CHD9: variants seen among roughly 807,000 people sequenced by gnomAD.
The protein encoded by CHD9 is ATP-dependent chromatin remodeler CHD9.
A neutral mutation model predicts 316.1 loss-of-function variants in CHD9; 77 were observed. The observed-to-expected ratio is 0.24, with a 90% CI of 0.20 to 0.29. The LOEUF (loss-of-function observed/expected upper bound fraction) is 0.29, where lower values mean the gene tolerates loss of function less well. Among genes scored for constraint, CHD9 ranks in the 10% least tolerant of loss-of-function variants. The pLI is 1.00. For missense variants in CHD9, 2,763 were observed against 3,438.1 expected, an observed-to-expected ratio of 0.80 and a Z score of 4.91; for synonymous variants, 1,129 against 1,158.3, an observed-to-expected ratio of 0.97 and a Z score of 0.51.
At chr16:53,163,037 C>T (rs1391413705) in intron 2 of CHD9, among the ~76,000 whole-genome samples, 1 of 151,808 alleles carries the variant, frequency 6.6e-6, no homozygotes, top group Non-Finnish European at 1.5e-5. Context: ...TACCAAGGTG[C>T]CTGACAAATT....
intron 24 of CHD9, among the ~76,000 whole-genome samples, chr16:53,276,105 G>A (rs944016801): frequency 2.0e-5 from 3 of 152,036 alleles, no homozygotes; most frequent in African/African-American, 7.2e-5. Flanking sequence ...CCACTTTCAT[G>A]CCCCCTCTTT....
intron 32 of CHD9, 140 bp downstream of exon 32, chr16:53,306,537 T>G: frequency 1.8e-6 from 1 of 558,872 alleles, no homozygotes; most frequent in Non-Finnish European, 3.0e-6. Flanking sequence ...TCCAAAAGTA[T>G]AAATTACTGC....
At chr16:53,266,036 C>T (rs1251002680) in intron 20 of CHD9, among the ~76,000 whole-genome samples, 1 of 147,896 alleles carries the variant, frequency 6.8e-6, no homozygotes, top group Non-Finnish European at 1.5e-5. Context: ...CTCTTTCTTA[C>T]GGAAGAATTC....
chr16:53,288,011 A>G lies in CHD9; in HGVS notation c.5244A>G (p.Ile1748Met). 1.9e-6 allele frequency: 3 copies of G among 1,604,152 alleles called. No homozygotes were observed. Among genetic ancestry groups the G allele is most frequent in the Middle Eastern group, 3.3e-4 (2 of 6,050 alleles). Reference protein sequence around the residue: ...KPAPAIFKDDIEDDVSSPGDL... With the variant: ...KPAPAIFKDDMEDDVSSPGDL... ...CCCCAGCCATCTTTAAAGATGATATAGAGGTATGCATTGGATCATATTTTT... is the reference window on the plus strand; with the variant it reads ...CCCCAGCCATCTTTAAAGATGATATGGAGGTATGCATTGGATCATATTTTT... Residue 1748 changes from isoleucine to methionine, a missense_variant, in exon 27 of 39, where the codon ATA (isoleucine) becomes ATG (methionine). Physicochemically the swap from Ile to Met is conservative, Grantham distance 10. Around this residue, in one of 15 missense-constraint regions of CHD9, gnomAD observed 183 missense variants for 258.5 expected, o/e 0.71. Coordinates refer to ENST00000447540, the MANE Select transcript of CHD9 (RefSeq NM_001308319.2).
At chr16:53,066,662 T>G (rs73594426) in intron 1 of CHD9, among the ~76,000 whole-genome samples, 5,181 of 148,820 alleles carry the variant, frequency 0.035, 304 homozygotes, top group African/African-American at 0.13. Flanking sequence ...AGGAGAGCCA[T>G]ACAGTCTTCT....
chr16:53,206,344 T>G (rs2045894160), intron 2 of CHD9, among the ~76,000 whole-genome samples: 1 of 146,310 alleles, frequency 6.8e-6, no homozygotes, highest in South Asian at 2.2e-4. Context: ...TTCTACACTT[T>G]TGAAAGGGCA....
At chr16:53,295,242 T>C (rs1213880763) in intron 29 of CHD9, among the ~76,000 whole-genome samples, 2 of 152,226 alleles carry the variant, frequency 1.3e-5, no homozygotes, top group Non-Finnish European at 2.9e-5. Flanking sequence ...TTCTCCTGCC[T>C]TGGCCTCCTG....
At position 53,264,447 on chromosome 16, in the gene CHD9, A is replaced by G. The variant is rs556348720; in HGVS notation, c.4320+1350A>G. Among the ~76,000 whole-genome samples, 3 of 152,238 alleles carry G rather than the reference A, an allele frequency of 2.0e-5. No homozygotes were observed. In the East Asian group the frequency reaches 5.8e-4, roughly 29 times the overall value. On this transcript the variant is annotated intron_variant, in intron 20 of 38. Coordinates refer to ENST00000447540, the MANE Select transcript of CHD9 (RefSeq NM_001308319.2). ...CAATAATTAAAAATAAAAAATAATA[A>G]GAATGGACATTCTTATGTACCATGT...
chr16:53,059,943 A>G (rs1387748765), intron 1 of CHD9, among the ~76,000 whole-genome samples: 1 of 152,246 alleles, frequency 6.6e-6, no homozygotes, highest in African/African-American at 2.4e-5. Context: ...ACAAATGAGT[A>G]TATCTGGGTT....
chr16:53,324,567 AC>A lies in CHD9; in HGVS notation c.8369del (p.Pro2790HisfsTer2), dbSNP rs1567696097. 6.2e-7 allele frequency: 1 copy of A among 1,613,718 alleles called. No homozygotes were observed. The highest frequency in any genetic ancestry group is 1.1e-5 in the South Asian group (1 of 91,052). On this transcript the variant is annotated frameshift_variant, in exon 39 of 39. Coordinates refer to ENST00000447540, the MANE Select transcript of CHD9 (RefSeq NM_001308319.2). LOFTEE classifies it high-confidence loss of function. Reference protein sequence around the residue: ...TAALNTAAAANPLALNPLLLS... With the variant: ...TAALNTAAAAXPLALNPLLLS... ...GCATTAAATACAGCTGCAGCTGCCAACCCATTAGCTCTTAACCCACTATTAC... is the reference window on the plus strand; with the variant it reads ...GCATTAAATACAGCTGCAGCTGCCAACCATTAGCTCTTAACCCACTATTAC...
At chr16:53,264,444 A>G (rs1246021792) in intron 20 of CHD9, among the ~76,000 whole-genome samples, 1 of 152,138 alleles carries the variant, frequency 6.6e-6, no homozygotes, top group Non-Finnish European at 1.5e-5. Flanking sequence ...ATAAAAAATA[A>G]TAAGAATGGA....
At chr16:53,141,838 G>A (rs1437238554) in intron 1 of CHD9, among the ~76,000 whole-genome samples, 1 of 152,100 alleles carries the variant, frequency 6.6e-6, no homozygotes, top group Non-Finnish European at 1.5e-5. Context: ...GAGTTTAATC[G>A]TGAAGACATT....
At chr16:53,185,464 G>A (rs1233190687) in intron 2 of CHD9, among the ~76,000 whole-genome samples, 1 of 152,108 alleles carries the variant, frequency 6.6e-6, no homozygotes, top group Non-Finnish European at 1.5e-5. Flanking sequence ...TGTTCAAGAG[G>A]AAGCAGAGCA....
At chr16:53,226,566 A>G (rs2047673477) in intron 5 of CHD9, 54 bp downstream of exon 5, 3 of 1,547,788 alleles carry the variant, frequency 1.9e-6, no homozygotes, top group African/African-American at 1.4e-5. Flanking sequence ...CATAAATTCT[A>G]TAAATACTTG....
Position 53,231,469 on chromosome 16 carries a change from A to G in CHD9, c.2337A>G (p.Leu779=). 6.2e-7 allele frequency: 1 copy of G among 1,601,610 alleles called. No individual in the cohort carries two copies. Among genetic ancestry groups the G allele is most frequent in the Non-Finnish European group, 8.5e-7 (1 of 1,170,532 alleles). ...NPDYVEVDRV[L]EVSFCEDKDT... is the part of the protein sequence containing the mutation. Reference sequence around the variant, plus strand: ...ACTACGTTGAAGTAGACAGAGTATTAGAAGTCTCTTTTTGTGAAGATAAGG... The same window carrying G: ...ACTACGTTGAAGTAGACAGAGTATTGGAAGTCTCTTTTTGTGAAGATAAGG... Residue 779 remains leucine (L), a synonymous_variant, in exon 9 of 39, where the codon TTA becomes TTG. Coordinates refer to ENST00000447540, the MANE Select transcript of CHD9 (RefSeq NM_001308319.2).
chr16:53,082,885 A>G lies in CHD9; in HGVS notation c.-165+27808A>G, dbSNP rs917596310. ...CCCTGTCAGGTAAGCTTCCTCCTCC[A>G]TGCCCTCCCTCTTTGTGTCCTCTAT... On this transcript the variant is annotated intron_variant, in intron 1 of 38. Coordinates refer to ENST00000447540, the MANE Select transcript of CHD9 (RefSeq NM_001308319.2). Among the ~76,000 whole-genome samples, 4 of 152,048 alleles carry G rather than the reference A, an allele frequency of 2.6e-5. No individual in the cohort carries two copies. The East Asian group carries it at 5.8e-4, about 22-fold the overall frequency.
intron 1 of CHD9, among the ~76,000 whole-genome samples, chr16:53,128,860 C>A (rs923949685): frequency 2.0e-5 from 3 of 152,088 alleles, no homozygotes; most frequent in Admixed American, 1.3e-4. Flanking sequence ...TCTACAAAAC[C>A]TGAGAGTCTA....
chr16:53,092,572 C>T (rs1398588787), intron 1 of CHD9, among the ~76,000 whole-genome samples: 2 of 152,010 alleles, frequency 1.3e-5, no homozygotes, highest in African/African-American at 4.8e-5. Context: ...TAAAAACAGT[C>T]AACATTCATC....
chr16:53,267,261 G>A (rs1347370708), intron 20 of CHD9, 33 bp from the exon 21 acceptor site: 5 of 1,439,762 alleles, frequency 3.5e-6, no homozygotes, highest in Non-Finnish European at 4.7e-6. Context: ...AATCATAAAA[G>A]TACCTTCAGG....
Sources: allele counts gnomAD v4.1 joint callset (sites outside exome capture counted in the v4.1 genomes callset), GRCh38; gene constraint gnomAD v4.1.1; regional missense constraint gnomAD v4.1.1; transcripts MANE v1.5; gene names NCBI Gene and HGNC (gene_info 2026-07-23, HGNC 2026-07-21).